The following TBC1D5 variants were observed in gnomAD, a reference collection of about 807,000 sequenced individuals.
The protein encoded by TBC1D5 is TBC1 domain family member 5.
Under a neutral mutation model 100.3 loss-of-function variants are expected in TBC1D5, and 75 were observed. The ratio of observed to expected loss-of-function variants is 0.75; its 90% CI spans 0.62 to 0.91. The LOEUF (loss-of-function observed/expected upper bound fraction) is 0.91, where lower values mean the gene tolerates loss of function less well. Among genes scored for constraint, TBC1D5 ranks in the 40% least tolerant of loss-of-function variants. TBC1D5 has a pLI of 0.00. For synonymous variants in TBC1D5, 323 were observed against 325.6 expected (o/e 0.99, Z 0.09); for missense variants, 910 against 942.4 (o/e 0.97, Z 0.45).
chr3:17,517,960 T>C (rs1010466872), intron 2 of TBC1D5, among the ~76,000 whole-genome samples: 6 of 152,308 alleles, frequency 3.9e-5, no homozygotes, highest in Non-Finnish European at 5.9e-5. Flanking sequence ...TGGGGACATA[T>C]ATCGAAAGCT....
At chr3:17,440,679 T>A (rs2149529670) in intron 3 of TBC1D5, among the ~76,000 whole-genome samples, 1 of 152,252 alleles carries the variant, frequency 6.6e-6, no homozygotes, top group East Asian at 1.9e-4. Context: ...TCTCACTCTG[T>A]CACCCAGGCT....
At chr3:17,444,034 G>A (rs1304425249) in intron 3 of TBC1D5, among the ~76,000 whole-genome samples, 1 of 151,990 alleles carries the variant, frequency 6.6e-6, no homozygotes, top group African/African-American at 2.4e-5. Flanking sequence ...GAGCTACATT[G>A]AAATACAGTT....
chr3:17,470,803 T>C lies in TBC1D5; in HGVS notation c.97+37671A>G, dbSNP rs535215211. 3.2e-3 allele frequency among the ~76,000 whole-genome samples: 481 copies of C among 152,122 alleles called. 2 individuals are homozygous for C. Among genetic ancestry groups the C allele is most frequent in the Non-Finnish European group, 5.2e-3 (353 of 67,968 alleles). On this transcript the variant is annotated intron_variant, in intron 3 of 21. Transcript: ENST00000253692. Reference sequence around the variant, plus strand: ...CAGGTGTGGTGGCGGGCACCTGTAGTCCCAGCTACTCGGGAGGCTGAGGCA... The same window carrying C: ...CAGGTGTGGTGGCGGGCACCTGTAGCCCCAGCTACTCGGGAGGCTGAGGCA...
chr3:17,482,318 G>A (rs2095511494), intron 3 of TBC1D5, among the ~76,000 whole-genome samples: 1 of 152,248 alleles, frequency 6.6e-6, no homozygotes, highest in Non-Finnish European at 1.5e-5. Context: ...TAAGGTACTG[G>A]ATATAGAAAG....
chr3:17,717,044 A>G (rs974864130), intron 1 of TBC1D5, among the ~76,000 whole-genome samples: 1 of 152,156 alleles, frequency 6.6e-6, no homozygotes, highest in African/African-American at 2.4e-5. Flanking sequence ...ATTTTATGTA[A>G]AACTCTCAGA....
intron 13 of TBC1D5, among the ~76,000 whole-genome samples, chr3:17,349,413 G>A (rs1006673695): frequency 6.6e-6 from 1 of 152,152 alleles, no homozygotes; most frequent in Non-Finnish European, 1.5e-5. Context: ...AAAACCAGTT[G>A]TGTGTATGAT....
intron 16 of TBC1D5, among the ~76,000 whole-genome samples, chr3:17,246,727 A>G (rs1337802481): frequency 2.6e-5 from 4 of 152,244 alleles, no homozygotes; most frequent in Non-Finnish European, 5.9e-5. Context: ...CATTTTACAC[A>G]CAAAAATTAC....
chr3:17,620,670 G>C (rs998087351), intron 2 of TBC1D5, among the ~76,000 whole-genome samples: 58 of 152,126 alleles, frequency 3.8e-4, no homozygotes, highest in African/African-American at 1.3e-3. Flanking sequence ...TTCCTACAAA[G>C]TATGGGGTGG....
intron 13 of TBC1D5, among the ~76,000 whole-genome samples, chr3:17,315,561 T>C (rs1221139103): frequency 1.3e-5 from 2 of 152,240 alleles, no homozygotes; most frequent in Non-Finnish European, 2.9e-5. Flanking sequence ...GCATTTAAAA[T>C]GCTATTCCTG....
intron 9 of TBC1D5, among the ~76,000 whole-genome samples, chr3:17,380,086 T>TATACA: frequency 6.6e-6 from 1 of 150,666 alleles, no homozygotes; most frequent in African/African-American, 2.4e-5. Context: ...TGTGTGTGTG[T>TATACA]GTGTATACAC....
At chr3:17,458,631 C>T (rs984196242) in intron 3 of TBC1D5, among the ~76,000 whole-genome samples, 3 of 152,056 alleles carry the variant, frequency 2.0e-5, no homozygotes, top group Non-Finnish European at 4.4e-5. Flanking sequence ...GATGCCTCTC[C>T]CTGCAGGTAT....
chr3:17,317,729 T>C (rs1379444892), intron 13 of TBC1D5, among the ~76,000 whole-genome samples: 1 of 152,168 alleles, frequency 6.6e-6, no homozygotes, highest in African/African-American at 2.4e-5. Flanking sequence ...TAATGGCAAA[T>C]ACCATGCATT....
At chr3:17,236,052 C>T (rs1329180827) in intron 17 of TBC1D5, among the ~76,000 whole-genome samples, 3 of 152,230 alleles carry the variant, frequency 2.0e-5, no homozygotes, top group East Asian at 1.9e-4. Flanking sequence ...TGCTTAAGTG[C>T]TCTGTTGTCT....
rs796913159 is a variant in TBC1D5 at position 17,269,634 on chromosome 3, TCTCC to T, written c.1246-11047_1246-11044del. 4.9e-3 allele frequency among the ~76,000 whole-genome samples: 750 copies of T among 151,870 alleles called. 5 individuals carry two copies. Among genetic ancestry groups the T allele is most frequent in the African/African-American group, 0.018 (727 of 41,422 alleles). ...CCAATAGGAAGTTTTATGGGTCTTG[TCTCC>T]CTCCCTCCCTCCCTCCCTCCTTCTG... On this transcript the variant is annotated intron_variant, in intron 15 of 21. Transcript: ENST00000253692.
intron 17 of TBC1D5, 38 bp from the exon 18 acceptor site, chr3:17,233,788 A>G (rs1038728361): frequency 1.5e-6 from 2 of 1,352,076 alleles, no homozygotes; most frequent in Non-Finnish European, 2.1e-6. Context: ...ATTTCATAAA[A>G]AGGAAATAAT....
chr3:17,389,201 G>A (rs576560569), intron 8 of TBC1D5, among the ~76,000 whole-genome samples: 16 of 151,982 alleles, frequency 1.1e-4, no homozygotes, highest in Admixed American at 7.9e-4. Context: ...CTTATTTAAC[G>A]ATTCTCCTGT....
intron 3 of TBC1D5, among the ~76,000 whole-genome samples, chr3:17,506,841 C>T (rs1464486708): frequency 5.9e-5 from 9 of 151,838 alleles, no homozygotes; most frequent in Non-Finnish European, 1.2e-4. Flanking sequence ...AACAGCAACC[C>T]CGTCTCTACT....
At chr3:17,684,604 G>C (rs1187023772) in intron 1 of TBC1D5, among the ~76,000 whole-genome samples, 2 of 152,008 alleles carry the variant, frequency 1.3e-5, no homozygotes, top group Non-Finnish European at 2.9e-5. Context: ...TTACGAAATA[G>C]AATCAGAAAT....
At chr3:17,430,536 T>C (rs2094430987) in intron 3 of TBC1D5, among the ~76,000 whole-genome samples, 1 of 151,890 alleles carries the variant, frequency 6.6e-6, no homozygotes, top group African/African-American at 2.4e-5. Context: ...GCAGTTTTTC[T>C]TTCTCAAAAA....
Sources: allele counts gnomAD v4.1 joint callset (sites outside exome capture counted in the v4.1 genomes callset), GRCh38; gene constraint gnomAD v4.1.1; transcripts MANE v1.5; gene names NCBI Gene and HGNC (gene_info 2026-07-23, HGNC 2026-07-21).